ADGRD1: variants seen among roughly 807,000 people sequenced by gnomAD.
The protein encoded by ADGRD1 is adhesion G protein-coupled receptor D1.
In ADGRD1, 77 loss-of-function variants were observed where a neutral mutation model predicts 113.4. The ratio of observed to expected loss-of-function variants is 0.68; its 90% CI spans 0.57 to 0.82. ADGRD1 has a LOEUF of 0.82. ADGRD1 is among the 40% of genes least tolerant of loss of function. The pLI is 0.00. For synonymous variants in ADGRD1, 474 were observed against 475.0 expected, an observed-to-expected ratio of 1.00 and a Z score of 0.03; for missense variants, 1,036 against 1,139.1, an observed-to-expected ratio of 0.91 and a Z score of 1.30.
chr12:131,124,587 G>C (rs1950697333), intron 20 of ADGRD1, among the ~76,000 whole-genome samples: 1 of 151,974 alleles, frequency 6.6e-6, no homozygotes, highest in Non-Finnish European at 1.5e-5. Context: ...CTGGGCCTAG[G>C]GTTGAGGAGA....
At chr12:131,012,118 G>T (rs1160939698) in intron 12 of ADGRD1, among the ~76,000 whole-genome samples, 1 of 152,096 alleles carries the variant, frequency 6.6e-6, no homozygotes, top group Non-Finnish European at 1.5e-5. Flanking sequence ...CTGCAGAGTG[G>T]AATGTTTATG....
intron 13 of ADGRD1, among the ~76,000 whole-genome samples, chr12:131,028,860 CTTG>C (rs533306787): frequency 1.8e-4 from 27 of 152,348 alleles, no homozygotes; most frequent in African/African-American, 6.3e-4. Context: ...AACCCTCCAG[CTTG>C]TTATTCCAGG....
At chr12:131,105,198 C>A (rs565342820) in intron 16 of ADGRD1, among the ~76,000 whole-genome samples, 1 of 152,236 alleles carries the variant, frequency 6.6e-6, no homozygotes, top group Non-Finnish European at 1.5e-5. Flanking sequence ...TCAGCACAGG[C>A]GTGTGGTCGG....
At chr12:131,006,500 G>T (rs532577379) in intron 12 of ADGRD1, among the ~76,000 whole-genome samples, 26 of 152,314 alleles carry the variant, frequency 1.7e-4, no homozygotes, top group South Asian at 1.5e-3. Context: ...CTCAGTCATG[G>T]CTGGACCCGG....
intron 13 of ADGRD1, among the ~76,000 whole-genome samples, chr12:131,044,363 C>T (rs1338638491): frequency 2.0e-5 from 3 of 152,130 alleles, no homozygotes; most frequent in Middle Eastern, 3.2e-3. Context: ...CTGTCCGGCT[C>T]CCAGGAACCC....
At chr12:130,985,461 CTATAT>C (rs1873539083) in intron 5 of ADGRD1, among the ~76,000 whole-genome samples, 1 of 152,032 alleles carries the variant, frequency 6.6e-6, no homozygotes, top group Non-Finnish European at 1.5e-5. Flanking sequence ...GATGTTTTTC[CTATAT>C]TATCTTCTAA....
chr12:131,086,743 G>A lies in ADGRD1; in HGVS notation c.1671+2080G>A, dbSNP rs74653052. Among the ~76,000 whole-genome samples, 962 of 152,332 alleles carry A rather than the reference G, an allele frequency of 6.3e-3. 3 individuals carry two copies. The highest frequency in any genetic ancestry group is 0.01 in the Non-Finnish European group (708 of 68,028). ...CCGACGGGCAGCTGCTCACGTGAGC[G>A]CGTATGAGCCTCACTCTGCAGAAGA... On this transcript the variant is annotated intron_variant, in intron 15 of 24. Coordinates refer to ENST00000261654, the MANE Select transcript of ADGRD1 (RefSeq NM_198827.5).
intron 13 of ADGRD1, among the ~76,000 whole-genome samples, chr12:131,061,885 C>G (rs745436302): frequency 6.6e-6 from 1 of 152,196 alleles, no homozygotes; most frequent in Non-Finnish European, 1.5e-5. Flanking sequence ...TAGAATCATA[C>G]AGTAAGTGAC....
At chr12:131,120,135 T>A (rs116187985) in intron 19 of ADGRD1, among the ~76,000 whole-genome samples, 1,546 of 152,242 alleles carry the variant, frequency 0.01, 21 homozygotes, top group African/African-American at 0.034. Flanking sequence ...GACACCACAT[T>A]GGGTGCCAGT....
chr12:131,059,228 T>C (rs1016852439), intron 13 of ADGRD1, among the ~76,000 whole-genome samples: 3 of 152,144 alleles, frequency 2.0e-5, no homozygotes, highest in African/African-American at 4.8e-5. Flanking sequence ...CAGGCTGGAG[T>C]ATAGTGACGC....
chr12:131,056,069 A>G (rs1007976271), intron 13 of ADGRD1, among the ~76,000 whole-genome samples: 1 of 152,198 alleles, frequency 6.6e-6, no homozygotes, highest in African/African-American at 2.4e-5. Flanking sequence ...CAAACCTATG[A>G]TGGAAATTTT....
At position 131,087,887 on chromosome 12, in the gene ADGRD1, G is replaced by T. The variant is rs956087316; in HGVS notation, c.1671+3224G>T. On this transcript the variant is annotated intron_variant, in intron 15 of 24. Transcript: ENST00000261654. ...AGAGTAAATGAAACCACACCAGAGGGCGGTGAACGTAGAAACAGTTCCTGG... is the reference window on the plus strand; with the variant it reads ...AGAGTAAATGAAACCACACCAGAGGTCGGTGAACGTAGAAACAGTTCCTGG... Among the ~76,000 whole-genome samples the T allele has an allele frequency of 2.6e-5, 4 of 152,348 alleles. No homozygotes were observed. In the East Asian group the frequency reaches 7.7e-4, roughly 29 times the overall value.
Position 131,002,336 on chromosome 12 carries a change from C to T in ADGRD1, c.1027-849C>T, listed in dbSNP as rs188280197. 1.1e-3 allele frequency among the ~76,000 whole-genome samples: 161 copies of T among 152,344 alleles called. 1 individual carries two copies. The highest frequency in any genetic ancestry group is 3.6e-3 in the African/African-American group (150 of 41,570). On this transcript the variant is annotated intron_variant, in intron 9 of 24. Transcript: ENST00000261654. ...CAGAACTGCATGCCAGAAACACAGA[C>T]TTCCATGTGCTTAACTGGGCCTGGT...
At chr12:130,975,015 C>T (rs556762730) in intron 4 of ADGRD1, among the ~76,000 whole-genome samples, 3 of 152,250 alleles carry the variant, frequency 2.0e-5, no homozygotes, top group African/African-American at 7.2e-5. Context: ...GTTTGGATCC[C>T]TGGCCATTCT....
At chr12:131,134,394 G>A (rs532134913) in intron 21 of ADGRD1, among the ~76,000 whole-genome samples, 207 of 152,352 alleles carry the variant, frequency 1.4e-3, no homozygotes, top group African/African-American at 4.7e-3. Context: ...TCAGCTCAGC[G>A]TCTTCCCCCA....
At chr12:131,064,846 G>A (rs1043022677) in intron 13 of ADGRD1, among the ~76,000 whole-genome samples, 1 of 152,188 alleles carries the variant, frequency 6.6e-6, no homozygotes, top group African/African-American at 2.4e-5. Context: ...GAATCCTCAA[G>A]TGCTGAGATG....
intron 12 of ADGRD1, among the ~76,000 whole-genome samples, chr12:131,008,280 G>A (rs943427744): frequency 6.6e-6 from 1 of 152,258 alleles, no homozygotes; most frequent in African/African-American, 2.4e-5. Flanking sequence ...TAGTGCAGCT[G>A]CCGTGCGGGC....
At position 130,997,253 on chromosome 12, in the gene ADGRD1, T is replaced by C. The variant is rs1308109; in HGVS notation, c.967-3130T>C. On this transcript the variant is annotated intron_variant, in intron 8 of 24. Coordinates refer to ENST00000261654, the MANE Select transcript of ADGRD1 (RefSeq NM_198827.5). Reference sequence around the variant, plus strand: ...CTCCTCACTTCCCAGTAGGGGCGGCTGGGCAGAGGCGCCCGTCACCTCCCG... The same window carrying C: ...CTCCTCACTTCCCAGTAGGGGCGGCCGGGCAGAGGCGCCCGTCACCTCCCG... 2.1e-3 allele frequency among the ~76,000 whole-genome samples: 214 copies of C among 99,742 alleles called. 1 individual carries two copies. The highest frequency in any genetic ancestry group is 4.8e-3 in the African/African-American group (118 of 24,836). The allele number at this position is 99,742 out of a possible 152,430, so 65.4% of individuals were successfully genotyped here. A position where few individuals can be genotyped will look rare whatever the true frequency, so the allele number is the denominator to read the frequency against.
intron 8 of ADGRD1, among the ~76,000 whole-genome samples, chr12:131,000,047 C>T (rs1045388157): frequency 1.3e-5 from 2 of 152,190 alleles, no homozygotes; most frequent in African/African-American, 4.8e-5. Context: ...GATTTTCCCA[C>T]ACGTCTCTCC....
Sources: allele counts gnomAD v4.1 joint callset (sites outside exome capture counted in the v4.1 genomes callset), GRCh38; gene constraint gnomAD v4.1.1; transcripts MANE v1.5; gene names NCBI Gene and HGNC (gene_info 2026-07-23, HGNC 2026-07-21).